EFR3B: variants seen among roughly 807,000 people sequenced by gnomAD.
The protein encoded by EFR3B is EFR3 homolog B.
Under a neutral mutation model 104.7 loss-of-function variants are expected in EFR3B, and 64 were observed. The ratio of observed to expected loss-of-function variants is 0.61; its 90% CI spans 0.50 to 0.75. The LOEUF (loss-of-function observed/expected upper bound fraction) is 0.75. Ranked by LOEUF, EFR3B falls within the 30% of genes least tolerant of loss-of-function variation. The pLI is 0.00. For synonymous variants in EFR3B, 385 were observed against 417.9 expected (o/e 0.92, Z 0.96); for missense variants, 750 against 1,078.5 (o/e 0.70, Z 4.27).
chr2:25,115,316 A>G (rs559385278), intron 4 of EFR3B, among the ~76,000 whole-genome samples: 36 of 152,336 alleles, frequency 2.4e-4, no homozygotes, highest in African/African-American at 7.9e-4. Flanking sequence ...TCTGATACAC[A>G]TTAAAATGTA....
intron 1 of EFR3B, among the ~76,000 whole-genome samples, chr2:25,047,856 A>C (rs1195504867): frequency 6.6e-6 from 1 of 152,190 alleles, no homozygotes; most frequent in African/African-American, 2.4e-5. Context: ...GTTCCATAAG[A>C]TTAAGAACAG....
intron 1 of EFR3B, among the ~76,000 whole-genome samples, chr2:25,058,506 C>A (rs570335176): frequency 6.6e-6 from 1 of 152,214 alleles, no homozygotes; most frequent in East Asian, 1.9e-4. Context: ...TGCCTGTAAT[C>A]CCAGCACTTT....
chr2:25,118,764 G>A (rs1669935286), intron 4 of EFR3B, among the ~76,000 whole-genome samples: 1 of 137,126 alleles, frequency 7.3e-6, no homozygotes, highest in East Asian at 2.0e-4. Flanking sequence ...AAAAAGGCAG[G>A]GCGTGGTGGT....
chr2:25,081,327 C>G (rs1158436096), intron 1 of EFR3B: 3 of 899,724 alleles, frequency 3.3e-6, no homozygotes, highest in Non-Finnish European at 5.4e-6. Flanking sequence ...TTCTTTTGAA[C>G]CTGCTTCTTA....
chr2:25,149,780 A>G, intron 20 of EFR3B, 38 bp downstream of exon 20: 2 of 1,542,480 alleles, frequency 1.3e-6, no homozygotes, highest in Non-Finnish European at 1.8e-6. Context: ...AGAGGGCAAA[A>G]TGGGGTGGGG....
chr2:25,088,816 T>G (rs1669031839), intron 1 of EFR3B, among the ~76,000 whole-genome samples: 1 of 152,178 alleles, frequency 6.6e-6, no homozygotes, highest in South Asian at 2.1e-4. Flanking sequence ...CCCTAGCCCC[T>G]GCCCTCAGAG....
intron 17 of EFR3B, among the ~76,000 whole-genome samples, chr2:25,142,967 G>C (rs1475292538): frequency 1.4e-5 from 2 of 146,856 alleles, no homozygotes; most frequent in South Asian, 2.1e-4. Flanking sequence ...AAAAAAAAAG[G>C]CTGGGCATGG....
chr2:25,117,089 C>T (rs925929328), intron 4 of EFR3B, among the ~76,000 whole-genome samples: 31 of 152,062 alleles, frequency 2.0e-4, no homozygotes, highest in African/African-American at 7.0e-4. Context: ...CAAAGTTGAA[C>T]GTGGAGGGGT....
intron 4 of EFR3B, among the ~76,000 whole-genome samples, chr2:25,104,837 C>G (rs1006637244): frequency 2.6e-5 from 4 of 152,208 alleles, no homozygotes; most frequent in African/African-American, 7.2e-5. Context: ...TCTGTTAGTC[C>G]TCCAAGCTAA....
chr2:25,151,570 C>CA (rs1671009930), intron 20 of EFR3B, among the ~76,000 whole-genome samples: 1 of 152,102 alleles, frequency 6.6e-6, no homozygotes, highest in African/African-American at 2.4e-5. Context: ...TGTCCCTTTT[C>CA]AAAATACCCA....
chr2:25,060,951 C>CAAA (rs386389727), intron 1 of EFR3B, among the ~76,000 whole-genome samples: 1 of 150,246 alleles, frequency 6.7e-6, no homozygotes, highest in African/African-American at 2.4e-5. Flanking sequence ...ACAACAACAA[C>CAAA]AAAAACCAAA....
At chr2:25,132,019 G>A (rs1670355723) in intron 10 of EFR3B, 108 bp downstream of exon 10, 3 of 1,188,882 alleles carry the variant, frequency 2.5e-6, no homozygotes, top group South Asian at 2.0e-5. Context: ...GCGCAGGGCG[G>A]GGTGGGGCCA....
At chr2:25,134,422 G>A (rs529702635) in intron 12 of EFR3B, among the ~76,000 whole-genome samples, 9 of 152,154 alleles carry the variant, frequency 5.9e-5, no homozygotes, top group Admixed American at 3.9e-4. Context: ...CACCTGCCTC[G>A]GCCTCCCAAA....
In EFR3B at chr2:25,145,099, T is replaced by A. The variant is rs1312578482; in HGVS notation, c.2142+48T>A. The A allele has an allele frequency of 2.0e-6, 3 of 1,504,550 alleles. No individual in the cohort carries two copies. The East Asian group carries it at 7.4e-5, about 37-fold the overall frequency. The allele number at this position is 1,504,550 out of a possible 1,614,324, so 93.2% of individuals were successfully genotyped here. A position where few individuals can be genotyped will look rare whatever the true frequency, so the allele number is the denominator to read the frequency against. On this transcript the variant is annotated intron_variant, in intron 19 of 22. Transcript: ENST00000403714. ...TGGGGCAGCCCCACCTCCTGTAGATTGGACGCTGGACTCCAGGCTCCCCTG... is the reference window on the plus strand; with the variant it reads ...TGGGGCAGCCCCACCTCCTGTAGATAGGACGCTGGACTCCAGGCTCCCCTG...
Position 25,152,128 on chromosome 2 carries a change from C to A in EFR3B, c.2298+108C>A, listed in dbSNP as rs1671027300. ...AGATCTTGGCTCTTTGACCACCAACCTCCCCCACCCCCACCCTGCCAGACA... is the reference window on the plus strand; with the variant it reads ...AGATCTTGGCTCTTTGACCACCAACATCCCCCACCCCCACCCTGCCAGACA... On this transcript the variant is annotated intron_variant, in intron 21 of 22. Transcript: ENST00000403714. 4.8e-6 allele frequency: 5 copies of A among 1,048,582 alleles called. No homozygotes were observed. In the Admixed American group the frequency reaches 6.4e-5, roughly 13 times the overall value. The allele number at this position is 1,048,582 out of a possible 1,614,324, so 65.0% of individuals were successfully genotyped here.
chr2:25,109,012 T>A (rs1244098947), intron 4 of EFR3B, among the ~76,000 whole-genome samples: 2 of 151,160 alleles, frequency 1.3e-5, no homozygotes, highest in Non-Finnish European at 3.0e-5. Context: ...TCAAAAAAAA[T>A]AAAAAATAAA....
chr2:25,133,130 C>T, intron 11 of EFR3B, 116 bp downstream of exon 11: 1 of 1,028,244 alleles, frequency 9.7e-7, no homozygotes, highest in Non-Finnish European at 1.4e-6. Flanking sequence ...CTTTTTACTC[C>T]CAAATCCCTC....
intron 1 of EFR3B, among the ~76,000 whole-genome samples, chr2:25,059,682 G>A (rs1379831033): frequency 6.6e-6 from 1 of 151,200 alleles, no homozygotes; most frequent in East Asian, 1.9e-4. Flanking sequence ...GCACAACAGT[G>A]TGAATGGACT....
Position 25,148,504 on chromosome 2 carries a change from C to T in EFR3B, c.2143-1190C>T, listed in dbSNP as rs1400361720. Among the ~76,000 whole-genome samples, 6 of 152,114 alleles carry T rather than the reference C, an allele frequency of 3.9e-5. No individual in the cohort carries two copies. The East Asian group carries it at 9.7e-4, about 25-fold the overall frequency. On this transcript the variant is annotated intron_variant, in intron 19 of 22. Transcript: ENST00000403714. ...TCCTGACCTCAAGTGATCCGCCCGC[C>T]TCAGCCTCCCAAAGTGCTGTGATTC...
Sources: allele counts gnomAD v4.1 joint callset (sites outside exome capture counted in the v4.1 genomes callset), GRCh38; gene constraint gnomAD v4.1.1; transcripts MANE v1.5; gene names NCBI Gene and HGNC (gene_info 2026-07-23, HGNC 2026-07-21).